The following MAML3 variants were observed in gnomAD, a reference collection of about 807,000 sequenced individuals.
The protein encoded by MAML3 is mastermind-like protein 3.
A neutral mutation model predicts 101.9 loss-of-function variants in MAML3; 27 were observed. The ratio of observed to expected loss-of-function variants is 0.27; its 90% CI spans 0.20 to 0.37. The LOEUF (loss-of-function observed/expected upper bound fraction) is 0.37. Ranked by LOEUF, MAML3 falls within the 10% of genes least tolerant of loss-of-function variation. MAML3 has a pLI of 1.00. For missense variants in MAML3, 1,316 were observed against 1,444.9 expected, an observed-to-expected ratio of 0.91 and a Z score of 1.45; for synonymous variants, 501 against 555.9, an observed-to-expected ratio of 0.90 and a Z score of 1.39.
At chr4:139,802,996 C>T (rs773137819) in intron 2 of MAML3, among the ~76,000 whole-genome samples, 15 of 152,188 alleles carry the variant, frequency 9.9e-5, no homozygotes, top group African/African-American at 1.4e-4. Context: ...TGCTGAGAAA[C>T]GGTATAACTA....
rs10644498 is a variant in MAML3, at chr4:139,943,864, CTTTT to C, written c.469-52901_469-52898del. Among the ~76,000 whole-genome samples the C allele has an allele frequency of 1.8e-4, 12 of 65,864 alleles. 1 individual carries two copies. The South Asian group carries it at 2.7e-3, about 15-fold the overall frequency. 43.2% of individuals were successfully genotyped at this position (65,864 alleles called of 152,430 possible). A position where few individuals can be genotyped will look rare whatever the true frequency, so the allele number is the denominator to read the frequency against. ...GGTTGGGTTGTGGGCCTAAAGACAACTTTTTTTTTTTTTTTTTTTTTTTTGAGAC... is the reference window on the plus strand; with the variant it reads ...GGTTGGGTTGTGGGCCTAAAGACAACTTTTTTTTTTTTTTTTTTTTGAGAC... On this transcript the variant is annotated intron_variant, in intron 1 of 4. Transcript: ENST00000509479.
chr4:139,879,383 G>T lies in MAML3; in HGVS notation c.2079+9974C>A, dbSNP rs544993819. 2.0e-5 allele frequency among the ~76,000 whole-genome samples: 3 copies of T among 151,686 alleles called. No individual in the cohort carries two copies. The East Asian group carries it at 5.9e-4, about 30-fold the overall frequency. On this transcript the variant is annotated intron_variant, in intron 2 of 4. Transcript: ENST00000509479. ...TCTACTAAAAATACAAAAATTAGTGGGGCATCATGGTGTATGCCTTTAATC... is the reference window on the plus strand; with the variant it reads ...TCTACTAAAAATACAAAAATTAGTGTGGCATCATGGTGTATGCCTTTAATC...
At chr4:139,973,637 G>A (rs1734268522) in intron 1 of MAML3, among the ~76,000 whole-genome samples, 1 of 152,066 alleles carries the variant, frequency 6.6e-6, no homozygotes, top group Non-Finnish European at 1.5e-5. Context: ...GATAAATGAG[G>A]TCTCCTAAAA....
Position 139,735,123 on chromosome 4 carries a change from C to T in MAML3, c.2080-4456G>A, listed in dbSNP as rs997464973. On this transcript the variant is annotated intron_variant, in intron 2 of 4. Coordinates refer to ENST00000509479, the MANE Select transcript of MAML3 (RefSeq NM_018717.5). The surrounding 1 kb of genome is among the most constrained non-coding windows in gnomAD (Gnocchi z 5.8). Reference sequence around the variant, plus strand: ...CGAGCGCTGCGAACGTGGAGCCAGGCAGTCAAGTGTTACTGCGTACAGCAG... The same window carrying T: ...CGAGCGCTGCGAACGTGGAGCCAGGTAGTCAAGTGTTACTGCGTACAGCAG... 6.6e-6 allele frequency among the ~76,000 whole-genome samples: 1 copy of T among 152,214 alleles called. No individual in the cohort carries two copies. Among genetic ancestry groups the T allele is most frequent in the African/African-American group, 2.4e-5 (1 of 41,452 alleles).
chr4:139,725,901 C>A, intron 3 of MAML3, 66 bp from the exon 4 acceptor site: 1 of 1,329,864 alleles, frequency 7.5e-7, no homozygotes, highest in South Asian at 1.2e-5. Flanking sequence ...ATTCAATATC[C>A]CAGCAGTTCC....
At chr4:140,084,880 AC>A in intron 1 of MAML3, among the ~76,000 whole-genome samples, 1 of 152,282 alleles carries the variant, frequency 6.6e-6, no homozygotes, top group East Asian at 1.9e-4. Flanking sequence ...TTAAAATACT[AC>A]CTTTTTTTCC....
chr4:139,890,683 C>T lies in MAML3; in HGVS notation c.753G>A (p.Glu251=), dbSNP rs1370144291. 5.6e-6 allele frequency: 9 copies of T among 1,614,022 alleles called. No individual in the cohort carries two copies. Among genetic ancestry groups the T allele is most frequent in the African/African-American group, 5.3e-5 (4 of 75,042 alleles). Residue 251 remains glutamate, a synonymous_variant, in exon 2 of 5, where the codon GAG becomes GAA. Transcript: ENST00000509479. This position sits in a 1 kb window ranked among gnomAD's most constrained non-coding sequence, Gnocchi z 4.1. ...EDLSKNGRLP[E]IKLPVNGCSD... is the part of the protein sequence containing the mutation. ...TGCAACCGTTGACAGGAAGTTTAAT[C>T]TCAGGGAGCCTACCATTCTTACTTA...
intron 1 of MAML3, among the ~76,000 whole-genome samples, chr4:139,982,398 C>A (rs1414431851): frequency 6.6e-6 from 1 of 152,112 alleles, no homozygotes; most frequent in Non-Finnish European, 1.5e-5. Flanking sequence ...CCCCACCCAG[C>A]CCTACAATCA....
At chr4:140,104,817 T>C (rs865971001) in intron 1 of MAML3, among the ~76,000 whole-genome samples, 9 of 151,880 alleles carry the variant, frequency 5.9e-5, no homozygotes, top group Non-Finnish European at 8.8e-5. Context: ...TTTAAGTACC[T>C]TAAATAAAAG....
chr4:140,128,531 G>A (rs1460697242), intron 1 of MAML3, among the ~76,000 whole-genome samples: 2 of 152,150 alleles, frequency 1.3e-5, no homozygotes, highest in Non-Finnish European at 2.9e-5. Context: ...CTCCCCATGG[G>A]CAATGGGATC....
At chr4:140,047,458 GT>G (rs893041587) in intron 1 of MAML3, among the ~76,000 whole-genome samples, 1 of 152,202 alleles carries the variant, frequency 6.6e-6, no homozygotes, top group African/African-American at 2.4e-5. Flanking sequence ...GAATAATGAA[GT>G]TGGTGAAACC....
chr4:140,036,289 T>C (rs1337225049), intron 1 of MAML3, among the ~76,000 whole-genome samples: 4 of 152,190 alleles, frequency 2.6e-5, no homozygotes, highest in African/African-American at 9.7e-5. Flanking sequence ...CTGGATACAT[T>C]TGCCTCAAGT....
chr4:139,725,440 A>C (rs4863680), intron 4 of MAML3, among the ~76,000 whole-genome samples: 41,093 of 152,024 alleles, frequency 0.27, 5,858 homozygotes, highest in African/African-American at 0.34. Flanking sequence ...CTGGTTGTTA[A>C]ACTATTACAA....
chr4:139,861,477 A>ATGTGTGTGTG (rs55851938), intron 2 of MAML3, among the ~76,000 whole-genome samples: 33,789 of 146,226 alleles, frequency 0.23, 4,457 homozygotes, highest in East Asian at 0.58. Context: ...TAACCAGCCG[A>ATGTGTGTGTG]TGTGTGTGTG....
chr4:139,907,686 G>T (rs1446859405), intron 1 of MAML3, among the ~76,000 whole-genome samples: 1 of 152,156 alleles, frequency 6.6e-6, no homozygotes, highest in Non-Finnish European at 1.5e-5. Context: ...GATTTCAAAG[G>T]AATTTGTAGG....
At chr4:139,784,008 C>G (rs1730262163) in intron 2 of MAML3, among the ~76,000 whole-genome samples, 1 of 152,226 alleles carries the variant, frequency 6.6e-6, no homozygotes, top group African/African-American at 2.4e-5. Flanking sequence ...AAATAGCTCA[C>G]TGACTGTGGG....
intron 1 of MAML3, among the ~76,000 whole-genome samples, chr4:139,920,508 C>CAAA (rs1485882318): frequency 6.6e-6 from 1 of 152,142 alleles, no homozygotes; most frequent in Non-Finnish European, 1.5e-5. Context: ...AACAAAAAGG[C>CAAA]AGAAAAAGAA....
At chr4:140,101,386 C>T (rs1728249911) in intron 1 of MAML3, among the ~76,000 whole-genome samples, 1 of 152,156 alleles carries the variant, frequency 6.6e-6, no homozygotes, top group South Asian at 2.1e-4. Context: ...GGATGAGAAA[C>T]TCACCAGGCT....
intron 1 of MAML3, among the ~76,000 whole-genome samples, chr4:140,069,384 A>AAGAAGGAGG (rs1727594517): frequency 3.3e-5 from 2 of 60,426 alleles, no homozygotes; most frequent in African/African-American, 1.2e-4. Flanking sequence ...GAAGAAGAAG[A>AAGAAGGAGG]AGGAGGAGGA....
Sources: gnomAD v4.1 joint callset for allele counts (sites outside exome capture counted in the v4.1 genomes callset) on GRCh38, gnomAD v4.1.1 for gene constraint, Gnocchi (gnomAD v3.1) non-coding constraint, MANE v1.5 for transcripts, NCBI Gene and HGNC (gene_info 2026-07-23, HGNC 2026-07-21) for gene names.